The following STK38 variants were observed in gnomAD, a reference collection of about 807,000 sequenced individuals.
STK38 encodes the protein serine/threonine kinase 38, also known as serine/threonine-protein kinase 38.
Under a neutral mutation model 59.0 loss-of-function variants are expected in STK38, and 26 were observed. That is an observed-to-expected ratio of 0.44 (90% CI 0.32 to 0.61). The LOEUF (loss-of-function observed/expected upper bound fraction) is 0.61, where lower values mean the gene tolerates loss of function less well. STK38 is among the 20% of genes least tolerant of loss of function. The pLI is 0.04. For missense variants in STK38, 433 were observed against 566.0 expected (o/e 0.76, Z 2.38); for synonymous variants, 175 against 176.6 (o/e 0.99, Z 0.07).
At position 36,509,883 on chromosome 6, in the gene STK38, C is replaced by G. The variant is rs1011108204; in HGVS notation, c.670-2281G>C. 3.3e-5 allele frequency among the ~76,000 whole-genome samples: 5 copies of G among 152,298 alleles called. No individual in the cohort carries two copies. The South Asian group carries it at 1.0e-3, about 32-fold the overall frequency. ...CCCTTAGGAGACCCGGAGTAGATAGCTCCTTTCTGCAGCAGGTCGTCTGAC... is the reference window on the plus strand; with the variant it reads ...CCCTTAGGAGACCCGGAGTAGATAGGTCCTTTCTGCAGCAGGTCGTCTGAC... On this transcript the variant is annotated intron_variant, in intron 7 of 13. Coordinates refer to ENST00000229812, the MANE Select transcript of STK38 (RefSeq NM_007271.4).
At chr6:36,522,542 G>C (rs1041368599) in intron 4 of STK38, 1 of 151,526 alleles carries the variant, frequency 6.6e-6, no homozygotes, top group Non-Finnish European at 1.5e-5. Flanking sequence ...TCATGCTTAG[G>C]AAAAACGTCT....
chr6:36,512,335 G>A (rs1382337611), intron 7 of STK38, among the ~76,000 whole-genome samples: 1 of 152,126 alleles, frequency 6.6e-6, no homozygotes, highest in Non-Finnish European at 1.5e-5. Flanking sequence ...TCTTCAGTTA[G>A]ACCGAATCCT....
At chr6:36,540,311 G>T in intron 1 of STK38, 104 bp from the exon 2 acceptor site, 1 of 1,167,012 alleles carries the variant, frequency 8.6e-7, no homozygotes, top group Non-Finnish European at 1.2e-6. Context: ...CAAGTTTTCT[G>T]GAGGACAAAC....
At chr6:36,522,511 T>C (rs893364194) in intron 4 of STK38, 5 of 148,476 alleles carry the variant, frequency 3.4e-5, no homozygotes, top group African/African-American at 1.2e-4. Flanking sequence ...TTAATCATAA[T>C]AATAATAACA....
chr6:36,517,297 G>T (rs960623110), intron 6 of STK38, among the ~76,000 whole-genome samples: 1 of 151,668 alleles, frequency 6.6e-6, no homozygotes, highest in Non-Finnish European at 1.5e-5. Context: ...TACTAATATG[G>T]GTAACAAAAA....
At chr6:36,519,287 C>A (rs1236979661) in intron 5 of STK38, among the ~76,000 whole-genome samples, 2 of 152,200 alleles carry the variant, frequency 1.3e-5, no homozygotes, top group African/African-American at 4.8e-5. Flanking sequence ...AGTAAAGCAT[C>A]TGCCTTTACT....
At chr6:36,534,589 G>C (rs1255525236) in intron 2 of STK38, among the ~76,000 whole-genome samples, 1 of 151,958 alleles carries the variant, frequency 6.6e-6, no homozygotes, top group Non-Finnish European at 1.5e-5. Context: ...GGAGGTCAAG[G>C]CTGCAGTGAG....
At chr6:36,536,789 G>A (rs1777802766) in intron 2 of STK38, among the ~76,000 whole-genome samples, 1 of 151,820 alleles carries the variant, frequency 6.6e-6, no homozygotes, top group Non-Finnish European at 1.5e-5. Context: ...GCCCACCTCG[G>A]CCTCCCAAAG....
chr6:36,530,273 C>T (rs539942200), intron 2 of STK38, among the ~76,000 whole-genome samples: 1 of 146,992 alleles, frequency 6.8e-6, no homozygotes, highest in East Asian at 2.0e-4. Flanking sequence ...AGCGACAGAT[C>T]GAGATTCTGT....
chr6:36,514,988 G>A (rs1422242453), intron 7 of STK38, among the ~76,000 whole-genome samples: 1 of 152,070 alleles, frequency 6.6e-6, no homozygotes, highest in Non-Finnish European at 1.5e-5. Flanking sequence ...AACTGATGAG[G>A]TTGCCCAACA....
chr6:36,495,123 T>C lies in STK38; in HGVS notation c.*661A>G, dbSNP rs955308625. On this transcript the variant is annotated 3_prime_UTR_variant, in exon 14 of 14. Transcript: ENST00000229812. Reference sequence around the variant, plus strand: ...CCCATCAACACTCAGAAAAGCAGCATGGGTATTTTAGATGGGGGACAGGAG... The same window carrying C: ...CCCATCAACACTCAGAAAAGCAGCACGGGTATTTTAGATGGGGGACAGGAG... 6.6e-6 allele frequency: 1 copy of C among 152,620 alleles called. No individual in the cohort carries two copies. 9.5% of individuals were successfully genotyped at this position (152,620 alleles called of 1,614,324 possible).
intron 2 of STK38, among the ~76,000 whole-genome samples, chr6:36,535,600 G>A (rs546107992): frequency 3.9e-5 from 6 of 151,982 alleles, no homozygotes; most frequent in Non-Finnish European, 7.4e-5. Flanking sequence ...ATTCCAGGCC[G>A]GGTGCAGTGG....
At chr6:36,518,882 T>C (rs1777318625) in intron 5 of STK38, among the ~76,000 whole-genome samples, 1 of 152,232 alleles carries the variant, frequency 6.6e-6, no homozygotes, top group African/African-American at 2.4e-5. Flanking sequence ...TGTACCAAGG[T>C]TCACAAATTG....
rs949153079 is a variant in STK38 at position 36,525,500 on chromosome 6, C to A, written c.183+91G>T. The A allele has an allele frequency of 1.7e-5, 21 of 1,223,030 alleles. No homozygotes were observed. In the African/African-American group the frequency reaches 2.3e-4, roughly 13 times the overall value. 75.8% of individuals were successfully genotyped at this position (1,223,030 alleles called of 1,614,324 possible). A position where few individuals can be genotyped will look rare whatever the true frequency, so the allele number is the denominator to read the frequency against. Reference sequence around the variant, plus strand: ...AGTTCCTCTGTTATTGAGCCAAAACCCTTCTCATGTGTACCAAGGCTAACA... The same window carrying A: ...AGTTCCTCTGTTATTGAGCCAAAACACTTCTCATGTGTACCAAGGCTAACA... On this transcript the variant is annotated intron_variant, in intron 3 of 13. Transcript: ENST00000229812.
chr6:36,496,019 GA>G (rs1460325932), intron 13 of STK38, 105 bp from the exon 14 acceptor site: 1 of 1,276,184 alleles, frequency 7.8e-7, no homozygotes, highest in Non-Finnish European at 1.1e-6. Context: ...TTCTATTTGG[GA>G]AAGCTTATTT....
chr6:36,513,966 T>C (rs375690205), intron 7 of STK38, among the ~76,000 whole-genome samples: 25 of 147,356 alleles, frequency 1.7e-4, no homozygotes, highest in East Asian at 4.2e-4. Flanking sequence ...CCATCATGGC[T>C]AACACCGTGA....
chr6:36,506,441 C>A lies in STK38; in HGVS notation c.834+142G>T, dbSNP rs1161822515. The A allele has an allele frequency of 6.1e-6, 5 of 823,764 alleles. No homozygotes were observed. The South Asian group carries it at 8.1e-5, about 13-fold the overall frequency. 51.0% of individuals were successfully genotyped at this position (823,764 alleles called of 1,614,324 possible). A position where few individuals can be genotyped will look rare whatever the true frequency, so the allele number is the denominator to read the frequency against. On this transcript the variant is annotated intron_variant, in intron 9 of 13. Coordinates refer to ENST00000229812, the MANE Select transcript of STK38 (RefSeq NM_007271.4). ...AAAAGATTCCTTTCGGTCCTACCAA[C>A]CTAACAACAGCACTCTCTTTAGGTA...
chr6:36,517,641 G>A, intron 6 of STK38, 76 bp downstream of exon 6: 1 of 1,551,390 alleles, frequency 6.4e-7, no homozygotes, highest in South Asian at 1.2e-5. Flanking sequence ...AAGTAGAAAG[G>A]AGGGTTAATC....
intron 2 of STK38, among the ~76,000 whole-genome samples, chr6:36,528,594 C>T (rs1446643472): frequency 5.3e-5 from 8 of 152,126 alleles, no homozygotes; most frequent in Non-Finnish European, 1.2e-4. Context: ...TATGCGTGCA[C>T]ATGTATTAGA....
Sources: gnomAD v4.1 joint callset for allele counts (sites outside exome capture counted in the v4.1 genomes callset) on GRCh38, gnomAD v4.1.1 for gene constraint, MANE v1.5 for transcripts, NCBI Gene and HGNC (gene_info 2026-07-23, HGNC 2026-07-21) for gene names.